The following CPED1 variants were observed in gnomAD, a reference collection of about 807,000 sequenced individuals.
The protein encoded by CPED1 is cadherin-like and PC-esterase domain-containing protein 1.
In CPED1, 114 loss-of-function variants were observed where a neutral mutation model predicts 128.2. That is an observed-to-expected ratio of 0.89 (90% CI 0.76 to 1.04). The LOEUF is 1.04. Ranked by LOEUF, CPED1 falls within the 50% of genes least tolerant of loss-of-function variation. CPED1 has a pLI of 0.00. For synonymous variants in CPED1, 462 were observed against 426.7 expected (o/e 1.08, Z -1.02); for missense variants, 1,211 against 1,207.1 (o/e 1.00, Z -0.05).
intron 14 of CPED1, among the ~76,000 whole-genome samples, 176 bp from the exon 15 acceptor site, chr7:121,140,651 T>C (rs1795879754): frequency 6.6e-6 from 1 of 152,006 alleles, no homozygotes; most frequent in Non-Finnish European, 1.5e-5. Context: ...ATCTGATGAA[T>C]TGAAAAGCCA....
chr7:121,089,033 C>T (rs1794515533), intron 5 of CPED1, among the ~76,000 whole-genome samples: 1 of 152,166 alleles, frequency 6.6e-6, no homozygotes, highest in African/African-American at 2.4e-5. Context: ...CTTGGGTCCT[C>T]ATCTATGAGG....
At chr7:121,028,484 A>C (rs1356103231) in intron 3 of CPED1, among the ~76,000 whole-genome samples, 2 of 152,312 alleles carry the variant, frequency 1.3e-5, no homozygotes, top group East Asian at 3.9e-4. Context: ...GTTGACTTGC[A>C]AAGTATTTGT....
intron 18 of CPED1, among the ~76,000 whole-genome samples, chr7:121,254,501 T>C (rs1363837399): frequency 6.6e-6 from 1 of 151,492 alleles, no homozygotes; most frequent in Non-Finnish European, 1.5e-5. Flanking sequence ...CAAAAGGAAT[T>C]AGAAAAAAGA....
intron 6 of CPED1, among the ~76,000 whole-genome samples, chr7:121,098,755 A>AATATATATATATATATATATAT (rs1794761450): frequency 9.5e-6 from 1 of 104,932 alleles, no homozygotes; most frequent in African/African-American, 4.1e-5. Context: ...AAAATATATA[A>AATATATATATATATATATATAT]AAATATATAT....
intron 16 of CPED1, among the ~76,000 whole-genome samples, chr7:121,170,739 GTT>G (rs1796634173): frequency 6.6e-6 from 1 of 152,076 alleles, no homozygotes; most frequent in African/African-American, 2.4e-5. Context: ...TAAGAAATGA[GTT>G]TCTATCCTTT....
intron 7 of CPED1, among the ~76,000 whole-genome samples, chr7:121,115,785 G>C (rs975951699): frequency 6.6e-6 from 1 of 152,144 alleles, no homozygotes; most frequent in African/African-American, 2.4e-5. Flanking sequence ...TTCAAAGAAG[G>C]CTTGGTTTTA....
At chr7:121,287,046 T>C (rs1055787580) in intron 22 of CPED1, among the ~76,000 whole-genome samples, 1 of 152,208 alleles carries the variant, frequency 6.6e-6, no homozygotes, top group East Asian at 1.9e-4. Flanking sequence ...CTCACTGTTA[T>C]GAAAACAGCA....
chr7:121,235,825 C>T (rs966678178), intron 16 of CPED1, among the ~76,000 whole-genome samples: 2 of 152,042 alleles, frequency 1.3e-5, no homozygotes, highest in African/African-American at 2.4e-5. Context: ...AGTAGGGAGA[C>T]GTAATTGTGC....
chr7:121,282,566 G>A (rs1792484293), intron 22 of CPED1, among the ~76,000 whole-genome samples: 1 of 152,134 alleles, frequency 6.6e-6, no homozygotes, highest in Non-Finnish European at 1.5e-5. Context: ...GCCTATAAGA[G>A]TAAGTAAAAT....
intron 3 of CPED1, among the ~76,000 whole-genome samples, chr7:121,025,802 A>G (rs1329499930): frequency 6.6e-6 from 1 of 152,138 alleles, no homozygotes; most frequent in East Asian, 1.9e-4. Context: ...CCCCCTCAGG[A>G]GATATAACCT....
intron 17 of CPED1, among the ~76,000 whole-genome samples, chr7:121,238,480 C>T (rs1258031025): frequency 2.0e-5 from 3 of 152,006 alleles, no homozygotes; most frequent in African/African-American, 2.4e-5. Flanking sequence ...TCCGGGAAGC[C>T]TTTTTTCACC....
intron 2 of CPED1, among the ~76,000 whole-genome samples, chr7:121,011,001 T>C (rs895665710): frequency 6.6e-6 from 1 of 152,222 alleles, no homozygotes; most frequent in Non-Finnish European, 1.5e-5. Flanking sequence ...TATTTTATTC[T>C]TACAGTGCAA....
At chr7:121,093,397 T>TACACACAAAC (rs1794621287) in intron 5 of CPED1, among the ~76,000 whole-genome samples, 1 of 145,470 alleles carries the variant, frequency 6.9e-6, no homozygotes. Context: ...CCTTTTTCTG[T>TACACACAAAC]ACACACACAC....
chr7:121,010,541 G>A (rs1289769958), intron 2 of CPED1, among the ~76,000 whole-genome samples: 3 of 152,130 alleles, frequency 2.0e-5, no homozygotes, highest in African/African-American at 4.8e-5. Flanking sequence ...GAGCCACCAC[G>A]CCCTGCAGGA....
chr7:121,264,579 C>T (rs562158704), intron 18 of CPED1, among the ~76,000 whole-genome samples: 1 of 152,162 alleles, frequency 6.6e-6, no homozygotes, highest in South Asian at 2.1e-4. Context: ...TAGATTTCTT[C>T]ATGCAGCTAC....
At chr7:121,119,018 C>T (rs1795319347) in intron 7 of CPED1, among the ~76,000 whole-genome samples, 1 of 152,084 alleles carries the variant, frequency 6.6e-6, no homozygotes, top group African/African-American at 2.4e-5. Context: ...CAAATCAGAG[C>T]TGTATTTCCA....
rs1257493426 is a variant in CPED1, at chr7:121,142,029, A to G, written c.1943A>G (p.Asp648Gly). Residue 648 changes from aspartate (D) to glycine (G), a missense_variant, in exon 16 of 23, where the codon GAT (aspartate) becomes GGT (glycine). Transcript: ENST00000310396. Reference protein sequence around the residue: ...GMNKISIFVVDESPAHGETLI... With the variant: ...GMNKISIFVVGESPAHGETLI... Reference sequence around the variant, plus strand: ...AACAAAATCTCAATATTTGTTGTGGATGAATCTCCAGCACACGGTGAGACT... The same window carrying G: ...AACAAAATCTCAATATTTGTTGTGGGTGAATCTCCAGCACACGGTGAGACT... 1 of 1,612,704 alleles carries G rather than the reference A, an allele frequency of 6.2e-7. No homozygotes were observed. Among genetic ancestry groups the G allele is most frequent in the Admixed American group, 1.7e-5 (1 of 59,884 alleles).
At chr7:121,176,289 C>A (rs1334189883) in intron 16 of CPED1, among the ~76,000 whole-genome samples, 4 of 147,404 alleles carry the variant, frequency 2.7e-5, no homozygotes, top group East Asian at 4.0e-4. Context: ...TAATTGAAAT[C>A]AGGGAATATC....
At chr7:121,098,757 A>ATATATATATAT (rs1794761840) in intron 6 of CPED1, among the ~76,000 whole-genome samples, 2 of 49,548 alleles carry the variant, frequency 4.0e-5, no homozygotes, top group East Asian at 8.1e-4. Flanking sequence ...AATATATAAA[A>ATATATATATAT]ATATATATAA....
Sources: gnomAD v4.1 joint callset for allele counts (sites outside exome capture counted in the v4.1 genomes callset) on GRCh38, gnomAD v4.1.1 for gene constraint, MANE v1.5 for transcripts, NCBI Gene and HGNC (gene_info 2026-07-23, HGNC 2026-07-21) for gene names.